The following AUTS2 variants were observed in gnomAD, a reference collection of about 807,000 sequenced individuals.
AUTS2 encodes the protein activator of transcription and developmental regulator AUTS2, also known as autism susceptibility gene 2 protein.
Under a neutral mutation model 112.4 loss-of-function variants are expected in AUTS2, and 17 were observed. The ratio of observed to expected loss-of-function variants is 0.15; its 90% CI spans 0.10 to 0.23. The LOEUF is 0.23. Ranked by LOEUF, AUTS2 falls within the 10% of genes least tolerant of loss-of-function variation. The probability of loss-of-function intolerance (pLI) is 1.00; values close to 1 mark genes in which losing one functional copy is unlikely to be tolerated. For synonymous variants in AUTS2, 751 were observed against 702.7 expected (o/e 1.07, Z -1.09); for missense variants, 1,510 against 1,701.6 (o/e 0.89, Z 1.98).
chr7:70,529,406 G>A (rs536511773), intron 5 of AUTS2, among the ~76,000 whole-genome samples: 19 of 152,192 alleles, frequency 1.2e-4, no homozygotes, highest in Non-Finnish European at 1.9e-4. Flanking sequence ...GTGAGGCTTG[G>A]AGAGCCGACC....
intron 6 of AUTS2, among the ~76,000 whole-genome samples, chr7:70,742,254 G>C (rs1347226531): frequency 6.6e-6 from 1 of 152,178 alleles, no homozygotes. Flanking sequence ...ATGTTAAAGA[G>C]ACATACTTGG....
intron 6 of AUTS2, among the ~76,000 whole-genome samples, chr7:70,703,057 C>T (rs1000154449): frequency 2.6e-5 from 4 of 152,166 alleles, no homozygotes; most frequent in African/African-American, 9.7e-5. Flanking sequence ...ATACTGCTGG[C>T]TTAGTAACCA....
chr7:70,709,572 A>G (rs901028720), intron 6 of AUTS2, among the ~76,000 whole-genome samples: 1 of 152,128 alleles, frequency 6.6e-6, no homozygotes, highest in African/African-American at 2.4e-5. Context: ...TGAGGTGGGC[A>G]TGGTGGCACA....
chr7:70,392,867 C>A (rs1392006784), intron 4 of AUTS2, among the ~76,000 whole-genome samples: 1 of 152,176 alleles, frequency 6.6e-6, no homozygotes, highest in African/African-American at 2.4e-5. Context: ...TTCCTGTTTT[C>A]TAGTGGGATT....
chr7:69,838,933 G>T (rs549398967), intron 1 of AUTS2, among the ~76,000 whole-genome samples: 7 of 152,158 alleles, frequency 4.6e-5, no homozygotes, highest in African/African-American at 1.4e-4. Flanking sequence ...ATGAGCTCCA[G>T]ATTGCTCTCT....
chr7:70,382,805 A>T (rs1231028657), intron 4 of AUTS2, among the ~76,000 whole-genome samples: 1 of 152,154 alleles, frequency 6.6e-6, no homozygotes, highest in African/African-American at 2.4e-5. Flanking sequence ...GCATTGCATT[A>T]TGGTCATTCT....
chr7:69,754,236 AGG>A (rs1267596671), intron 1 of AUTS2, among the ~76,000 whole-genome samples: 2 of 152,132 alleles, frequency 1.3e-5, no homozygotes, highest in African/African-American at 4.8e-5. Flanking sequence ...TCTGTTGAGA[AGG>A]GGTGGGGACA....
Position 70,043,358 on chromosome 7 carries a change from G to A in AUTS2, c.523-74774G>A, listed in dbSNP as rs1356619855. Among the ~76,000 whole-genome samples, 7 of 151,998 alleles carry A rather than the reference G, an allele frequency of 4.6e-5. No homozygotes were observed. In the East Asian group the frequency reaches 1.4e-3, roughly 29 times the overall value. On this transcript the variant is annotated intron_variant, in intron 2 of 18. Transcript: ENST00000342771. The stretch of plus-strand genomic sequence containing the variant: ...CCTCTCCCTTGAATAATACAGAAAC[G>A]TTGGACATAATTATGACACAGATTT...
At chr7:70,126,478 G>C (rs568327051) in intron 3 of AUTS2, among the ~76,000 whole-genome samples, 6 of 152,082 alleles carry the variant, frequency 3.9e-5, no homozygotes, top group Non-Finnish European at 8.8e-5. Flanking sequence ...ATGTTGCCTG[G>C]GGGGAATAAT....
chr7:70,235,745 A>G (rs1812292391), intron 4 of AUTS2, among the ~76,000 whole-genome samples: 1 of 150,954 alleles, frequency 6.6e-6, no homozygotes, highest in South Asian at 2.1e-4. Flanking sequence ...TCTGCCTCCC[A>G]GGTTCAAGTG....
chr7:69,895,752 C>T (rs1562955849), intron 1 of AUTS2, among the ~76,000 whole-genome samples: 1 of 152,182 alleles, frequency 6.6e-6, no homozygotes, highest in East Asian at 1.9e-4. Context: ...AGCATACTCT[C>T]ATAAATATTA....
At chr7:70,205,494 C>T (rs971511794) in intron 4 of AUTS2, among the ~76,000 whole-genome samples, 1 of 152,094 alleles carries the variant, frequency 6.6e-6, no homozygotes, top group Non-Finnish European at 1.5e-5. Flanking sequence ...TTTTACAGTA[C>T]TTTTCTGTAT....
At chr7:69,900,126 G>GTA (rs1207346511) in intron 2 of AUTS2, among the ~76,000 whole-genome samples, 1 of 152,210 alleles carries the variant, frequency 6.6e-6, no homozygotes, top group Non-Finnish European at 1.5e-5. Flanking sequence ...CCACAAGAAA[G>GTA]TATGGCTCTT....
intron 6 of AUTS2, among the ~76,000 whole-genome samples, chr7:70,728,937 T>C (rs905693315): frequency 6.6e-6 from 1 of 152,024 alleles, no homozygotes; most frequent in African/African-American, 2.4e-5. Flanking sequence ...TTAGAAGAAA[T>C]GTCTCCTCTC....
chr7:69,922,546 T>C (rs1795856004), intron 2 of AUTS2, among the ~76,000 whole-genome samples: 1 of 152,232 alleles, frequency 6.6e-6, no homozygotes, highest in Non-Finnish European at 1.5e-5. Context: ...CACATTTTCA[T>C]GCTCTTAAGT....
At chr7:70,319,722 T>C (rs551445415) in intron 4 of AUTS2, among the ~76,000 whole-genome samples, 158 of 152,298 alleles carry the variant, frequency 1.0e-3, no homozygotes, top group Non-Finnish European at 1.8e-3. Context: ...GGAGCAAATG[T>C]CCTTTGAATG....
intron 5 of AUTS2, among the ~76,000 whole-genome samples, chr7:70,452,066 C>T (rs1796556443): frequency 6.6e-6 from 1 of 152,138 alleles, no homozygotes; most frequent in African/African-American, 2.4e-5. Context: ...TGTGTGACTG[C>T]GGCCTTGGGC....
intron 4 of AUTS2, among the ~76,000 whole-genome samples, chr7:70,432,362 T>C (rs568104791): frequency 6.6e-6 from 1 of 152,186 alleles, no homozygotes; most frequent in East Asian, 1.9e-4. Context: ...ACTTCTTCTT[T>C]TAACCTTTGA....
At chr7:70,002,309 C>A (rs1799236151) in intron 2 of AUTS2, among the ~76,000 whole-genome samples, 1 of 152,122 alleles carries the variant, frequency 6.6e-6, no homozygotes, top group Non-Finnish European at 1.5e-5. Context: ...GGCGGGGTGG[C>A]ATTATGATTA....
Sources: allele counts gnomAD v4.1 joint callset (sites outside exome capture counted in the v4.1 genomes callset), GRCh38; gene constraint gnomAD v4.1.1; transcripts MANE v1.5; gene names NCBI Gene and HGNC (gene_info 2026-07-23, HGNC 2026-07-21).